TAF7: variants seen among roughly 807,000 people sequenced by gnomAD.
TAF7 encodes transcription initiation factor TFIID subunit 7.
TAF7 carries 9 observed loss-of-function variants against 25.3 expected under a neutral mutation model. The observed-to-expected ratio is 0.36, with a 90% CI of 0.21 to 0.62. The LOEUF (loss-of-function observed/expected upper bound fraction) is 0.62. Among genes scored for constraint, TAF7 ranks in the 20% least tolerant of loss-of-function variants. TAF7 has a pLI of 0.72. For missense variants in TAF7, 311 were observed against 410.6 expected (o/e 0.76, Z 2.10); for synonymous variants, 127 against 146.7 (o/e 0.87, Z 0.97).
chr5:141,319,652 G>A lies in TAF7; in HGVS notation c.393C>T (p.Ile131=). ...GAGGCAGAGTAATTCCGTGGTTCCA[G>A]ATAAACTTTTTCTCTTTGTCCTTAT... ...KKDKDKEKKF[I]WNHGITLPLK... is the part of the protein sequence containing the mutation. The change falls in exon 1 of 1, where the codon ATC becomes ATT. Residue 131 remains isoleucine, a synonymous_variant. Transcript: ENST00000313368. The surrounding 1 kb of genome is among the most constrained non-coding windows in gnomAD (Gnocchi z 5.3). The A allele has an allele frequency of 6.2e-7, 1 of 1,614,184 alleles. No homozygotes were observed. The highest frequency in any genetic ancestry group is 8.5e-7 in the Non-Finnish European group (1 of 1,180,052).
Position 141,319,475 on chromosome 5 carries a change from C to T in TAF7, c.570G>A (p.Lys190=). The change falls in exon 1 of 1, where the codon AAG becomes AAA. Residue 190 remains lysine, a synonymous_variant. Transcript: ENST00000313368. The surrounding 1 kb of genome is among the most constrained non-coding windows in gnomAD (Gnocchi z 5.3). ...TATCCAGGCCTTGATTTTCTGCCTC[C>T]TTTGTTTCATCTTCGGCAATTATTT... ...RWEIIAEDET[K]EAENQGLDIS... 2 of 1,614,130 alleles carry T rather than the reference C, an allele frequency of 1.2e-6. No individual in the cohort carries two copies. Among genetic ancestry groups the T allele is most frequent in the Non-Finnish European group, 1.7e-6 (2 of 1,180,018 alleles).
chr5:141,319,318 C>T lies in TAF7; in HGVS notation c.727G>A (p.Asp243Asn). 1 of 1,614,038 alleles carries T rather than the reference C, an allele frequency of 6.2e-7. No homozygotes were observed. The highest frequency in any genetic ancestry group is 8.5e-7 in the Non-Finnish European group (1 of 1,180,034). The change falls in exon 1 of 1, where the codon GAT becomes AAT. Residue 243 changes from aspartate (D) to asparagine (N), a missense_variant. By Grantham distance (23) the Asp-to-Asn change is conservative. Coordinates refer to ENST00000313368, the MANE Select transcript of TAF7 (RefSeq NM_005642.3). The surrounding 1 kb of genome is among the most constrained non-coding windows in gnomAD (Gnocchi z 5.3). ...EDETQHQDEE[D>N]INIIDTEEDL... ...TCCTCCGTGTCAATGATGTTTATAT[C>T]TTCTTCATCTTGATGCTGGGTCTCA...
Position 141,320,005 on chromosome 5 carries a change from T to C in TAF7, c.40A>G (p.Ser14Gly). 5.6e-6 allele frequency: 9 copies of C among 1,613,762 alleles called. No individual in the cohort carries two copies. Among genetic ancestry groups the C allele is most frequent in the Non-Finnish European group, 7.6e-6 (9 of 1,179,800 alleles). The change falls in exon 1 of 1, where the codon AGC (serine) becomes GGC (glycine). Residue 14 changes from serine to glycine, a missense_variant. By Grantham distance (56) the Ser-to-Gly change is moderately conservative (BLOSUM62 0). Around this residue, in one of 3 missense-constraint regions of TAF7, gnomAD observed 119 missense variants for 159.3 expected, o/e 0.75. Transcript: ENST00000313368. ...GGAGGCAGACGTAAGATAAACTGGC[T>C]CTCCAGTTCGTGAGGAGCATCATCT... ...SKDDAPHELESQFILRLPPEY... is the reference protein window; with the variant it reads ...SKDDAPHELEGQFILRLPPEY...
chr5:141,318,892 T>C lies in TAF7; in HGVS notation c.*103A>G, dbSNP rs894974752. 3.0e-6 allele frequency: 3 copies of C among 1,004,928 alleles called. No homozygotes were observed. In the African/African-American group the frequency reaches 4.9e-5, roughly 16 times the overall value. The allele number at this position is 1,004,928 out of a possible 1,614,324, so 62.3% of individuals were successfully genotyped here. ...AAAGAACTTAACAGAACACACAGCA[T>C]TAAAAGGACTAGGAAGAGCAAGGTC... On this transcript the variant is annotated 3_prime_UTR_variant, in exon 1 of 1. Transcript: ENST00000313368.
chr5:141,320,351 G>A lies in TAF7; in HGVS notation c.-307C>T. On this transcript the variant is annotated 5_prime_UTR_variant, in exon 1 of 1. Coordinates refer to ENST00000313368, the MANE Select transcript of TAF7 (RefSeq NM_005642.3). Reference sequence around the variant, plus strand: ...AGGTGCCGCTGCCGGACAACGCGGAGAGAGCTAGCTAGCTAGCTAGGGAAC... The same window carrying A: ...AGGTGCCGCTGCCGGACAACGCGGAAAGAGCTAGCTAGCTAGCTAGGGAAC... The A allele has an allele frequency of 3.7e-6, 1 of 270,720 alleles. No homozygotes were observed. Among genetic ancestry groups the A allele is most frequent in the Non-Finnish European group, 7.6e-6 (1 of 132,404 alleles). 16.8% of individuals were successfully genotyped at this position (270,720 alleles called of 1,614,324 possible).
rs1418463379 is a variant in TAF7, at chr5:141,319,374, T to C, written c.671A>G (p.Asn224Ser). Residue 224 changes from asparagine (N) to serine (S), a missense_variant, in exon 1 of 1, where the codon AAT (asparagine) becomes AGT (serine). Asn to Ser is a conservative substitution (Grantham distance 46). Coordinates refer to ENST00000313368, the MANE Select transcript of TAF7 (RefSeq NM_005642.3). This position sits in a 1 kb window ranked among gnomAD's most constrained non-coding sequence, Gnocchi z 5.3. ...ATCCTCACTGCTGCTGCTGAGGTCA[T>C]TGAATATCTCCCGAAGCTCATCATG... ...LEHDELREIF[N>S]DLSSSSEDED... The C allele has an allele frequency of 3.1e-6, 5 of 1,614,170 alleles. No homozygotes were observed. The highest frequency in any genetic ancestry group is 2.2e-5 in the East Asian group (1 of 44,882).
rs1756133675 is a variant in TAF7, at chr5:141,319,939, G to A, written c.106C>T (p.His36Tyr). The A allele has an allele frequency of 6.2e-7, 1 of 1,614,036 alleles. No homozygotes were observed. Among genetic ancestry groups the A allele is most frequent in the African/African-American group, 1.3e-5 (1 of 74,920 alleles). The change falls in exon 1 of 1, where the codon CAT becomes TAT. Residue 36 changes from histidine (H) to tyrosine (Y), a missense_variant. Coordinates refer to ENST00000313368, the MANE Select transcript of TAF7 (RefSeq NM_005642.3). This position sits in a 1 kb window ranked among gnomAD's most constrained non-coding sequence, Gnocchi z 5.3. ...GTCAGTCTGTCCTTGAGGTTGACAT[G>A]ACCAGACTGTACTGCCCTTCTCACA... Reference protein sequence around the residue: ...STVRRAVQSGHVNLKDRLTIE... With the variant: ...STVRRAVQSGYVNLKDRLTIE...
Position 141,320,038 on chromosome 5 carries a change from T to C in TAF7, c.7A>G (p.Lys3Glu), listed in dbSNP as rs1373848992. The part of the protein sequence containing the change: MS[K>E]SKDDAPHELE... Reference sequence around the variant, plus strand: ...TCGTGAGGAGCATCATCTTTGCTTTTACTCATCTTTATTTCCTTGTGATTC... The same window carrying C: ...TCGTGAGGAGCATCATCTTTGCTTTCACTCATCTTTATTTCCTTGTGATTC... The change falls in exon 1 of 1, where the codon AAA becomes GAA. Residue 3 changes from lysine to glutamate, a missense_variant. Physicochemically the swap from Lys to Glu is moderately conservative, Grantham distance 56 (BLOSUM62 1). Coordinates refer to ENST00000313368, the MANE Select transcript of TAF7 (RefSeq NM_005642.3). 2 of 1,608,872 alleles carry C rather than the reference T, an allele frequency of 1.2e-6. No homozygotes were observed. The highest frequency in any genetic ancestry group is 1.7e-5 in the Admixed American group (1 of 59,490).
chr5:141,319,174 T>C lies in TAF7; in HGVS notation c.871A>G (p.Lys291Glu), dbSNP rs758619841. The change falls in exon 1 of 1, where the codon AAG becomes GAG. Residue 291 changes from lysine (K) to glutamate (E), a missense_variant. Physicochemically the swap from Lys to Glu is moderately conservative, Grantham distance 56. Around this residue, in one of 3 missense-constraint regions of TAF7, gnomAD observed 179 missense variants for 206.7 expected, o/e 0.87. Transcript: ENST00000313368. This position sits in a 1 kb window ranked among gnomAD's most constrained non-coding sequence, Gnocchi z 5.3. ...IQKQIDNMKG[K>E]LQETQDRAKR... The stretch of plus-strand genomic sequence containing the variant: ...GCCCTGTCCTGGGTCTCTTGGAGCT[T>C]GCCTTTCATGTTGTCAATCTGCTTC... The C allele has an allele frequency of 6.2e-7, 1 of 1,614,034 alleles. No individual in the cohort carries two copies. Among genetic ancestry groups the C allele is most frequent in the East Asian group, 2.2e-5 (1 of 44,874 alleles).
rs745733156 is a variant in TAF7 at position 141,320,033 on chromosome 5, G to A, written c.12C>T (p.Ser4=). ...CCAGTTCGTGAGGAGCATCATCTTT[G>A]CTTTTACTCATCTTTATTTCCTTGT... MSK[S]KDDAPHELES... The change falls in exon 1 of 1, where the codon AGC becomes AGT. Residue 4 remains serine, a synonymous_variant. Coordinates refer to ENST00000313368, the MANE Select transcript of TAF7 (RefSeq NM_005642.3). 8.9e-5 allele frequency: 143 copies of A among 1,609,418 alleles called. No individual in the cohort carries two copies. In the East Asian group the frequency reaches 3.1e-3, roughly 35 times the overall value.
chr5:141,319,098 T>C lies in TAF7; in HGVS notation c.947A>G (p.Asn316Ser). The change falls in exon 1 of 1, where the codon AAC (asparagine) becomes AGC (serine). Residue 316 changes from asparagine (N) to serine (S), a missense_variant. Transcript: ENST00000313368. The surrounding 1 kb of genome is among the most constrained non-coding windows in gnomAD (Gnocchi z 5.3). ...CTCATCCAGTACAGCCTGAAATCTG[T>C]TCTTGAGAGCCAGATTTTCCACTTT... ...IMKVENLALK[N>S]RFQAVLDELK... 1 of 1,614,190 alleles carries C rather than the reference T, an allele frequency of 6.2e-7. No individual in the cohort carries two copies. Among genetic ancestry groups the C allele is most frequent in the Non-Finnish European group, 8.5e-7 (1 of 1,180,032 alleles).
In TAF7 at chr5:141,319,238, C is replaced by G; in HGVS notation, c.807G>C (p.Gln269His). The G allele has an allele frequency of 6.2e-7, 1 of 1,614,046 alleles. No individual in the cohort carries two copies. Among genetic ancestry groups the G allele is most frequent in the Non-Finnish European group, 8.5e-7 (1 of 1,180,038 alleles). Reference protein sequence around the residue: ...DKLNESDEQHQENEGTNQLVM... With the variant: ...DKLNESDEQHHENEGTNQLVM... ...CCAGCTGATTGGTTCCTTCATTTTC[C>G]TGGTGCTGTTCATCTGATTCATTTA... Residue 269 changes from glutamine to histidine, a missense_variant, in exon 1 of 1, where the codon CAG (glutamine) becomes CAC (histidine). By Grantham distance (24) the Gln-to-His change is conservative (BLOSUM62 0). This residue lies in a region of TAF7 where 179 missense variants were observed against 206.7 expected (regional missense o/e 0.87). Coordinates refer to ENST00000313368, the MANE Select transcript of TAF7 (RefSeq NM_005642.3). This position sits in a 1 kb window ranked among gnomAD's most constrained non-coding sequence, Gnocchi z 5.3.
chr5:141,318,987 A>C lies in TAF7; in HGVS notation c.*8T>G, dbSNP rs1756118315. 1.3e-6 allele frequency: 2 copies of C among 1,570,612 alleles called. No individual in the cohort carries two copies. The highest frequency in any genetic ancestry group is 2.0e-5 in the Admixed American group (1 of 50,308). On this transcript the variant is annotated 3_prime_UTR_variant, in exon 1 of 1. Transcript: ENST00000313368. ...AGTCTGAAGACTGAAATTAAATATC[A>C]GTTCTTTTTACTTCTCTAGGAGTGA...
Position 141,318,870 on chromosome 5 carries a change from G to T in TAF7, c.*125C>A. 1 of 827,452 alleles carries T rather than the reference G, an allele frequency of 1.2e-6. No individual in the cohort carries two copies. 51.3% of individuals were successfully genotyped at this position (827,452 alleles called of 1,614,324 possible). A position where few individuals can be genotyped will look rare whatever the true frequency, so the allele number is the denominator to read the frequency against. ...AAAACAAAATTACAAACAAATGAAA[G>T]AACTTAACAGAACACACAGCATTAA... On this transcript the variant is annotated 3_prime_UTR_variant, in exon 1 of 1. Coordinates refer to ENST00000313368, the MANE Select transcript of TAF7 (RefSeq NM_005642.3).
In TAF7 at chr5:141,319,224, G is replaced by C. The variant is rs770215101; in HGVS notation, c.821C>G (p.Thr274Ser). The change falls in exon 1 of 1, where the codon ACC (threonine) becomes AGC (serine). Residue 274 changes from threonine to serine, a missense_variant. By Grantham distance (58) the Thr-to-Ser change is moderately conservative (BLOSUM62 1). Around this residue, in one of 3 missense-constraint regions of TAF7, gnomAD observed 179 missense variants for 206.7 expected, o/e 0.87. Coordinates refer to ENST00000313368, the MANE Select transcript of TAF7 (RefSeq NM_005642.3). The surrounding 1 kb of genome is among the most constrained non-coding windows in gnomAD (Gnocchi z 5.3). ...CTGAATTCCCATAACCAGCTGATTG[G>C]TTCCTTCATTTTCCTGGTGCTGTTC... ...SDEQHQENEG[T>S]NQLVMGIQKQ... The C allele has an allele frequency of 1.2e-6, 2 of 1,613,972 alleles. No individual in the cohort carries two copies. The highest frequency in any genetic ancestry group is 1.7e-6 in the Non-Finnish European group (2 of 1,180,006).
rs779988443 is a variant in TAF7, at chr5:141,320,049, A to G, written c.-5T>C. On this transcript the variant is annotated 5_prime_UTR_variant, in exon 1 of 1. Coordinates refer to ENST00000313368, the MANE Select transcript of TAF7 (RefSeq NM_005642.3). ...ATCATCTTTGCTTTTACTCATCTTT[A>G]TTTCCTTGTGATTCACTTCTCCAAT... 1.7e-5 allele frequency: 28 copies of G among 1,602,762 alleles called. No homozygotes were observed. In the Admixed American group the frequency reaches 4.3e-4, roughly 24 times the overall value.
rs773358259 is a variant in TAF7, at chr5:141,320,074, T to C, written c.-30A>G. 8.8e-6 allele frequency: 14 copies of C among 1,583,642 alleles called. No individual in the cohort carries two copies. Among genetic ancestry groups the C allele is most frequent in the Non-Finnish European group, 1.2e-5 (14 of 1,161,424 alleles). ...ATTTCCTTGTGATTCACTTCTCCAA[T>C]AAATGCTGGTTACACTAAAAAGTTC... On this transcript the variant is annotated 5_prime_UTR_variant, in exon 1 of 1. Coordinates refer to ENST00000313368, the MANE Select transcript of TAF7 (RefSeq NM_005642.3).
In TAF7 at chr5:141,319,904, TAACTCA is replaced by T. The variant is rs1476398759; in HGVS notation, c.135_140del (p.Glu46_Leu47del). ...CGATTCCATGACGCCCATCAGGATG[TAACTCA>T]ATTGTCAGTCTGTCCTTGAGGTTGA... On this transcript the variant is annotated inframe_deletion, in exon 1 of 1. Coordinates refer to ENST00000313368, the MANE Select transcript of TAF7 (RefSeq NM_005642.3). The surrounding 1 kb of genome is among the most constrained non-coding windows in gnomAD (Gnocchi z 5.3). 11 of 1,614,050 alleles carry T rather than the reference TAACTCA, an allele frequency of 6.8e-6. No individual in the cohort carries two copies. Among genetic ancestry groups the T allele is most frequent in the Non-Finnish European group, 8.5e-6 (10 of 1,180,038 alleles).
rs755760813 is a variant in TAF7, at chr5:141,319,973, A to G, written c.72T>C (p.Tyr24=). Residue 24 remains tyrosine, a synonymous_variant, in exon 1 of 1, where the codon TAT becomes TAC. Coordinates refer to ENST00000313368, the MANE Select transcript of TAF7 (RefSeq NM_005642.3). The surrounding 1 kb of genome is among the most constrained non-coding windows in gnomAD (Gnocchi z 5.3). The stretch of plus-strand genomic sequence containing the variant: ...GTACTGCCCTTCTCACAGTAGAGGC[A>G]TATTCTGGAGGCAGACGTAAGATAA... The part of the protein sequence containing the change: ...SQFILRLPPE[Y]ASTVRRAVQS... 8.7e-6 allele frequency: 14 copies of G among 1,614,030 alleles called. No individual in the cohort carries two copies. The South Asian group carries it at 1.1e-4, about 13-fold the overall frequency.
Sources: gnomAD v4.1 joint callset for allele counts on GRCh38, gnomAD v4.1.1 for gene constraint, gnomAD v4.1.1 regional missense constraint, Gnocchi (gnomAD v3.1) non-coding constraint, MANE v1.5 for transcripts, NCBI Gene and HGNC (gene_info 2026-07-23, HGNC 2026-07-21) for gene names.